The following NXPE4 variants were observed in gnomAD, a reference collection of about 807,000 sequenced individuals.
NXPE4 encodes the protein neurexophilin and PC-esterase domain family member 4.
In NXPE4, 42 loss-of-function variants were observed where a neutral mutation model predicts 33.3. The observed-to-expected ratio is 1.26, with a 90% CI of 0.98 to 1.63. The LOEUF (loss-of-function observed/expected upper bound fraction) is 1.63. Ranked by LOEUF, NXPE4 falls within the 40% of genes most tolerant of loss-of-function variation. The pLI is 0.00. For synonymous variants in NXPE4, 253 were observed against 234.9 expected (o/e 1.08, Z -0.71); for missense variants, 709 against 647.6 (o/e 1.09, Z -1.03).
At chr11:114,571,954 G>A (rs1036458626) in intron 5 of NXPE4, among the ~76,000 whole-genome samples, 12 of 152,180 alleles carry the variant, frequency 7.9e-5, no homozygotes, top group Admixed American at 7.2e-4. Context: ...CACAAAACCA[G>A]CACACTAAAC....
the NXPE4 span, among the ~76,000 whole-genome samples, chr11:114,606,613 G>A: frequency 1.3e-5 from 2 of 151,680 alleles, no homozygotes; most frequent in Non-Finnish European, 1.5e-5. Flanking sequence ...ACTGTTACCT[G>A]GTGGATAATA....
At chr11:114,677,905 C>G in the NXPE4 span, among the ~76,000 whole-genome samples, 2 of 152,090 alleles carry the variant, frequency 1.3e-5, no homozygotes, top group East Asian at 1.9e-4. Context: ...CACTGAAAAT[C>G]CTTAGTGTCA....
At chr11:114,656,088 T>C in the NXPE4 span, among the ~76,000 whole-genome samples, 2 of 152,094 alleles carry the variant, frequency 1.3e-5, no homozygotes, top group Non-Finnish European at 1.5e-5. Flanking sequence ...AGTCTCAGGA[T>C]ACAAAAATCA....
At chr11:114,616,759 A>C in the NXPE4 span, among the ~76,000 whole-genome samples, 19 of 151,892 alleles carry the variant, frequency 1.3e-4, no homozygotes, top group African/African-American at 4.4e-4. Context: ...TAACCGGTGG[A>C]TAATAAGTGT....
chr11:114,588,943 C>G (rs1345224324), intron 2 of NXPE4, among the ~76,000 whole-genome samples: 3 of 152,102 alleles, frequency 2.0e-5, no homozygotes, highest in African/African-American at 7.2e-5. Context: ...GGAGAACCTC[C>G]TGAGGGTGGC....
At chr11:114,677,206 C>T in the NXPE4 span, among the ~76,000 whole-genome samples, 1 of 151,962 alleles carries the variant, frequency 6.6e-6, no homozygotes, top group Admixed American at 6.6e-5. Flanking sequence ...TATTGTACAG[C>T]ATTGTGTCTA....
At chr11:114,663,729 A>G in the NXPE4 span, among the ~76,000 whole-genome samples, 2 of 150,594 alleles carry the variant, frequency 1.3e-5, no homozygotes, top group African/African-American at 4.9e-5. Context: ...CTACCTACCT[A>G]TCTATTGGCG....
the NXPE4 span, among the ~76,000 whole-genome samples, chr11:114,634,377 G>A: frequency 1.3e-5 from 2 of 151,946 alleles, no homozygotes; most frequent in African/African-American, 4.8e-5. Context: ...TTTGTCAGAT[G>A]AGTAGGTTGT....
intron 5 of NXPE4, among the ~76,000 whole-genome samples, chr11:114,577,866 C>T (rs531042630): frequency 3.9e-5 from 6 of 152,224 alleles, no homozygotes; most frequent in African/African-American, 1.4e-4. Flanking sequence ...TTCACATATG[C>T]TTGGGATAAT....
the NXPE4 span, among the ~76,000 whole-genome samples, chr11:114,616,370 T>C: frequency 1.0e-3 from 155 of 151,580 alleles, 2 homozygotes; most frequent in Admixed American, 8.3e-3. Flanking sequence ...GTAACCACTG[T>C]TACCCAGTGG....
chr11:114,626,343 T>G, the NXPE4 span, among the ~76,000 whole-genome samples: 1 of 152,196 alleles, frequency 6.6e-6, no homozygotes, highest in African/African-American at 2.4e-5. Context: ...ATGGGCAGAC[T>G]GCCTCCTCAA....
At chr11:114,630,979 AT>A in the NXPE4 span, among the ~76,000 whole-genome samples, 1 of 151,030 alleles carries the variant, frequency 6.6e-6, no homozygotes, top group South Asian at 2.1e-4. Flanking sequence ...ATGAGATACC[AT>A]CTCACACCAG....
the NXPE4 span, among the ~76,000 whole-genome samples, chr11:114,639,346 C>A: frequency 6.6e-6 from 1 of 151,994 alleles, no homozygotes; most frequent in African/African-American, 2.4e-5. Flanking sequence ...GTGGGAGTGA[C>A]CCGATTTTCC....
At chr11:114,587,674 G>A (rs1319539826) in intron 2 of NXPE4, among the ~76,000 whole-genome samples, 1 of 152,168 alleles carries the variant, frequency 6.6e-6, no homozygotes, top group Admixed American at 6.5e-5. Context: ...AAAACAGTTG[G>A]GGGGATGCCC....
chr11:114,647,163 A>T, the NXPE4 span, among the ~76,000 whole-genome samples: 2 of 152,188 alleles, frequency 1.3e-5, no homozygotes, highest in Non-Finnish European at 2.9e-5. Context: ...AGTGATTCTC[A>T]TTACCTGAAT....
chr11:114,636,712 C>T, the NXPE4 span, among the ~76,000 whole-genome samples: 21,986 of 151,926 alleles, frequency 0.14, 2,033 homozygotes, highest in East Asian at 0.38. Flanking sequence ...GCCTTCATTT[C>T]GTTATGTACC....
At chr11:114,664,484 G>C in the NXPE4 span, among the ~76,000 whole-genome samples, 1 of 152,080 alleles carries the variant, frequency 6.6e-6, no homozygotes, top group Admixed American at 6.6e-5. Flanking sequence ...CACGTAAATT[G>C]CACCTCAATA....
intron 2 of NXPE4, among the ~76,000 whole-genome samples, chr11:114,584,976 A>T (rs1454056243): frequency 2.0e-5 from 3 of 152,070 alleles, no homozygotes; most frequent in Non-Finnish European, 4.4e-5. Flanking sequence ...CAAACAGAAG[A>T]CAAAATCCTG....
chr11:114,601,943 T>C, the NXPE4 span, among the ~76,000 whole-genome samples: 4 of 83,282 alleles, frequency 4.8e-5, no homozygotes, highest in African/African-American at 9.8e-5. Context: ...ATATATTATA[T>C]AATTATATAT....
Sources: allele counts gnomAD v4.1 joint callset (sites outside exome capture counted in the v4.1 genomes callset), GRCh38; gene constraint gnomAD v4.1.1; transcripts MANE v1.5; gene names NCBI Gene and HGNC (gene_info 2026-07-23, HGNC 2026-07-21).